Variants in LIFR observed in about 807,000 individuals in gnomAD.
The protein encoded by LIFR is LIF receptor subunit alpha.
LIFR carries 84 observed loss-of-function variants against 122.2 expected under a neutral mutation model. The ratio of observed to expected loss-of-function variants is 0.69; its 90% CI spans 0.58 to 0.82. The LOEUF is 0.82. Ranked by LOEUF, LIFR falls within the 40% of genes least tolerant of loss-of-function variation. LIFR has a pLI of 0.00. For synonymous variants in LIFR, 422 were observed against 434.7 expected (o/e 0.97, Z 0.36); for missense variants, 1,294 against 1,311.6 (o/e 0.99, Z 0.21).
At chr5:38,529,958 GGAT>G (rs1746913243) in intron 2 of LIFR, among the ~76,000 whole-genome samples, 1 of 151,982 alleles carries the variant, frequency 6.6e-6, no homozygotes, top group Non-Finnish European at 1.5e-5. Context: ...ACGGGCAGGA[GGAT>G]GATAATTTCT....
chr5:38,597,418 C>T (rs557317070), upstream of LIFR, among the ~76,000 whole-genome samples: 1 of 152,202 alleles, frequency 6.6e-6, no homozygotes, highest in Non-Finnish European at 1.5e-5. Context: ...TAGCATCCCT[C>T]TAGCCCAGGG....
In LIFR at chr5:38,482,666, T is replaced by C; in HGVS notation, c.2593A>G (p.Ile865Val). 7.6e-7 allele frequency: 1 copy of C among 1,314,432 alleles called. No homozygotes were observed. Among genetic ancestry groups the C allele is most frequent in the Non-Finnish European group, 1.1e-6 (1 of 946,022 alleles). The allele number at this position is 1,314,432 out of a possible 1,614,324, so 81.4% of individuals were successfully genotyped here. The change falls in exon 19 of 20, where the codon ATT becomes GTT. Residue 865 changes from isoleucine to valine, a missense_variant and splice_region_variant. Transcript: ENST00000453190. ...SILCYRKREW[I>V]KETFYPDIPN... is the part of the protein sequence containing the mutation. ...ATATCAGGGTAGAAGGTTTCTTTAA[T>C]CCTTTAAATAAAAAATTATTACAGT... is the stretch of plus-strand genomic sequence containing the variant.
chr5:38,542,305 A>C (rs13167327), intron 1 of LIFR, among the ~76,000 whole-genome samples: 45,622 of 152,108 alleles, frequency 0.3, 7,141 homozygotes, highest in East Asian at 0.42. Context: ...TTAAATAACA[A>C]ATCCTTTTTT....
Position 38,482,164 on chromosome 5 carries a change from C to G in LIFR, c.2725G>C (p.Glu909Gln), listed in dbSNP as rs775137844. The change falls in exon 20 of 20, where the codon GAG (glutamate) becomes CAG (glutamine). Residue 909 changes from glutamate to glutamine, a missense_variant. Transcript: ENST00000453190. ...AATGCTGATCGAGTTTCCAGAACCT[C>G]AACATTATTTGGGGTACAAGGATTC... The part of the protein sequence containing the change: ...EMNPCTPNNV[E>Q]VLETRSAFPK... 6.3e-7 allele frequency: 1 copy of G among 1,588,070 alleles called. No homozygotes were observed. Among genetic ancestry groups the G allele is most frequent in the East Asian group, 2.2e-5 (1 of 44,808 alleles).
At chr5:38,584,803 G>T (rs557546672) in intron 1 of LIFR, among the ~76,000 whole-genome samples, 22 of 152,216 alleles carry the variant, frequency 1.4e-4, no homozygotes, top group Admixed American at 7.9e-4. Flanking sequence ...GGGGACTATA[G>T]GTAGTAAAAT....
At chr5:38,593,713 GT>G (rs1750006172) in intron 1 of LIFR, among the ~76,000 whole-genome samples, 1 of 152,208 alleles carries the variant, frequency 6.6e-6, no homozygotes, top group African/African-American at 2.4e-5. Context: ...CCTTGGGGAA[GT>G]GATTAGATTG....
chr5:38,605,093 A>C (rs1012543514), intron 2 of LIFR, among the ~76,000 whole-genome samples: 1 of 152,138 alleles, frequency 6.6e-6, no homozygotes, highest in Admixed American at 6.5e-5. Context: ...AATAGACTAT[A>C]AAGGTTTCTT....
chr5:38,596,582 T>C (rs1322163258), upstream of LIFR, among the ~76,000 whole-genome samples: 2 of 152,148 alleles, frequency 1.3e-5, no homozygotes, highest in Non-Finnish European at 2.9e-5. Flanking sequence ...TAAATAGAGC[T>C]CTTTACCTGG....
intron 14 of LIFR, among the ~76,000 whole-genome samples, chr5:38,492,048 A>G (rs959193613): frequency 1.3e-5 from 2 of 152,218 alleles, no homozygotes; most frequent in Non-Finnish European, 2.9e-5. Flanking sequence ...AGAGAACAGG[A>G]TGAGAGAGGA....
intron 1 of LIFR, among the ~76,000 whole-genome samples, chr5:38,533,319 T>A (rs1165201250): frequency 6.6e-6 from 1 of 152,202 alleles, no homozygotes; most frequent in East Asian, 1.9e-4. Context: ...TCTGTAAGAC[T>A]GTTGAATGGA....
At chr5:38,592,975 C>T (rs937993931) in intron 1 of LIFR, among the ~76,000 whole-genome samples, 10 of 151,960 alleles carry the variant, frequency 6.6e-5, no homozygotes, top group Non-Finnish European at 7.4e-5. Context: ...GAGACCGAGG[C>T]GGATAGATCA....
At chr5:38,585,201 A>G (rs528395409) in intron 1 of LIFR, among the ~76,000 whole-genome samples, 14 of 152,356 alleles carry the variant, frequency 9.2e-5, no homozygotes, top group Admixed American at 8.5e-4. Context: ...ACAGTACAAC[A>G]TACTGACTTA....
chr5:38,481,687 A>G lies in LIFR; in HGVS notation c.3202T>C (p.Phe1068Leu). The change falls in exon 20 of 20, where the codon TTT (phenylalanine) becomes CTT (leucine). Residue 1068 changes from phenylalanine to leucine, a missense_variant. By Grantham distance (22) the Phe-to-Leu change is conservative. Transcript: ENST00000453190. ...GSPCSINSRQ[F>L]LIPPKDEDSP... ...TCTTCATCTTTAGGAGGAATCAAAA[A>G]TTGTCGGGAATTAATGGAGCATGGA... 3 of 1,614,168 alleles carry G rather than the reference A, an allele frequency of 1.9e-6. No individual in the cohort carries two copies. The highest frequency in any genetic ancestry group is 2.5e-6 in the Non-Finnish European group (3 of 1,180,014).
At position 38,482,644 on chromosome 5, in the gene LIFR, T is replaced by C. The variant is rs779417433; in HGVS notation, c.2615A>G (p.Asp872Gly). The C allele has an allele frequency of 6.7e-7, 1 of 1,481,652 alleles. No homozygotes were observed. The highest frequency in any genetic ancestry group is 9.2e-7 in the Non-Finnish European group (1 of 1,086,246). The allele number at this position is 1,481,652 out of a possible 1,614,324, so 91.8% of individuals were successfully genotyped here. A position where few individuals can be genotyped will look rare whatever the true frequency, so the allele number is the denominator to read the frequency against. The change falls in exon 19 of 20, where the codon GAT becomes GGT. Residue 872 changes from aspartate to glycine, a missense_variant. Transcript: ENST00000453190. ...REWIKETFYP[D>G]IPNPENCKAL... ...TTTACAGTTTTCTGGATTTGGAATA[T>C]CAGGGTAGAAGGTTTCTTTAATCCT...
At position 38,477,025 on chromosome 5, in the gene LIFR, A is replaced by C. The variant is rs1466333705; in HGVS notation, c.*4570T>G. On this transcript the variant is annotated 3_prime_UTR_variant, in exon 20 of 20. Transcript: ENST00000453190. The stretch of plus-strand genomic sequence containing the variant: ...TTCTAGACCAAATCACACTCCCTGA[A>C]ACATTACCATGTACAATAAAGCCTG... The C allele has an allele frequency of 8.9e-6, 2 of 224,630 alleles. No individual in the cohort carries two copies. Among genetic ancestry groups the C allele is most frequent in the Non-Finnish European group, 1.8e-5 (2 of 112,782 alleles). 13.9% of individuals were successfully genotyped at this position (224,630 alleles called of 1,614,324 possible). A position where few individuals can be genotyped will look rare whatever the true frequency, so the allele number is the denominator to read the frequency against.
At chr5:38,482,558 CAAAGAT>C in intron 19 of LIFR, 25 bp downstream of exon 19, 2 of 1,142,648 alleles carry the variant, frequency 1.8e-6, no homozygotes, top group Non-Finnish European at 2.5e-6. Flanking sequence ...GCCAGCACAT[CAAAGAT>C]AAATATAAGA....
At chr5:38,554,173 T>A (rs1288826689) in intron 1 of LIFR, among the ~76,000 whole-genome samples, 2 of 152,210 alleles carry the variant, frequency 1.3e-5, no homozygotes, top group Non-Finnish European at 2.9e-5. Flanking sequence ...TGTGTATCTG[T>A]TCCTTCTTTT....
At chr5:38,527,108 G>C in intron 4 of LIFR, 47 bp downstream of exon 4, 1 of 1,516,526 alleles carries the variant, frequency 6.6e-7, no homozygotes, top group South Asian at 1.2e-5. Context: ...ATACTAACAA[G>C]TGACACTTGA....
Position 38,481,716 on chromosome 5 carries a change from C to T in LIFR, c.3173G>A (p.Gly1058Glu), listed in dbSNP as rs1375021038. Residue 1058 changes from glycine to glutamate, a missense_variant, in exon 20 of 20, where the codon GGA becomes GAA. Physicochemically the swap from Gly to Glu is moderately conservative, Grantham distance 98 (BLOSUM62 -2). Transcript: ENST00000453190. Reference protein sequence around the residue: ...IDSNSEIVSFGSPCSINSRQF... With the variant: ...IDSNSEIVSFESPCSINSRQF... The stretch of plus-strand genomic sequence containing the variant: ...TCGGGAATTAATGGAGCATGGACTT[C>T]CAAATGAGACAATCTCACTGTTGCT... 1 of 1,614,146 alleles carries T rather than the reference C, an allele frequency of 6.2e-7. No individual in the cohort carries two copies.
Sources: gnomAD v4.1 joint callset for allele counts (sites outside exome capture counted in the v4.1 genomes callset) on GRCh38, gnomAD v4.1.1 for gene constraint, MANE v1.5 for transcripts, NCBI Gene and HGNC (gene_info 2026-07-23, HGNC 2026-07-21) for gene names.